The following SBF2 variants were observed in gnomAD, a reference collection of about 807,000 sequenced individuals.
SBF2 encodes SET binding factor 2.
SBF2 carries 112 observed loss-of-function variants against 225.2 expected under a neutral mutation model. The observed-to-expected ratio is 0.50, with a 90% CI of 0.43 to 0.58. The LOEUF (loss-of-function observed/expected upper bound fraction) is 0.58. Ranked by LOEUF, SBF2 falls within the 20% of genes least tolerant of loss-of-function variation. The pLI, the probability that SBF2 is intolerant of heterozygous loss-of-function variation, is 0.00. For missense variants in SBF2, 1,996 were observed against 2,206.2 expected (o/e 0.90, Z 1.91); for synonymous variants, 763 against 773.3 (o/e 0.99, Z 0.22).
At chr11:10,000,879 C>T in intron 8 of SBF2, 35 bp downstream of exon 8, 2 of 1,094,010 alleles carry the variant, frequency 1.8e-6, no homozygotes, top group Non-Finnish European at 2.8e-6. Flanking sequence ...AACTTCTGGA[C>T]TCAATAACTG....
At chr11:10,239,545 T>A (rs543845146) in intron 1 of SBF2, among the ~76,000 whole-genome samples, 1 of 127,716 alleles carries the variant, frequency 7.8e-6, no homozygotes, top group African/African-American at 2.6e-5. Context: ...GGAGAAAAAA[T>A]TGGATGTGTC....
chr11:9,805,623 A>T (rs557576261), intron 32 of SBF2, among the ~76,000 whole-genome samples: 1 of 147,134 alleles, frequency 6.8e-6, no homozygotes, highest in East Asian at 2.0e-4. Flanking sequence ...GATATTCTAG[A>T]TTTTTTTTTT....
chr11:10,053,665 G>A (rs1038691387), intron 2 of SBF2, among the ~76,000 whole-genome samples: 2 of 152,000 alleles, frequency 1.3e-5, no homozygotes, highest in Non-Finnish European at 2.9e-5. Flanking sequence ...TGAGGCCAGA[G>A]GACCACTTGA....
chr11:10,115,218 T>C (rs1323864226), intron 2 of SBF2, among the ~76,000 whole-genome samples: 1 of 152,242 alleles, frequency 6.6e-6, no homozygotes, highest in Non-Finnish European at 1.5e-5. Flanking sequence ...ATACCAGATA[T>C]GTATACTACT....
chr11:10,221,536 T>G (rs573580449), intron 1 of SBF2, among the ~76,000 whole-genome samples: 1 of 152,270 alleles, frequency 6.6e-6, no homozygotes, highest in East Asian at 1.9e-4. Flanking sequence ...AAAGCTAGTA[T>G]CTACATTAGG....
chr11:10,066,634 A>T (rs1950633424), intron 2 of SBF2, among the ~76,000 whole-genome samples: 1 of 152,234 alleles, frequency 6.6e-6, no homozygotes, highest in Non-Finnish European at 1.5e-5. Flanking sequence ...CCTAATAAAG[A>T]GCATTGATGT....
chr11:10,075,907 T>C (rs1249293118), intron 2 of SBF2, among the ~76,000 whole-genome samples: 2 of 152,090 alleles, frequency 1.3e-5, no homozygotes, highest in Non-Finnish European at 2.9e-5. Context: ...TAGTTTTTTT[T>C]TTTTTCTGCG....
At chr11:10,240,456 G>A (rs955369309) in intron 1 of SBF2, among the ~76,000 whole-genome samples, 2 of 152,038 alleles carry the variant, frequency 1.3e-5, no homozygotes, top group African/African-American at 2.4e-5. Flanking sequence ...GCTGAAATAC[G>A]AATCATCATG....
In SBF2 at chr11:9,941,588, T is replaced by C. The variant is rs574183076; in HGVS notation, c.1860+20369A>G. Among the ~76,000 whole-genome samples the C allele has an allele frequency of 2.0e-5, 3 of 152,306 alleles. No homozygotes were observed. The East Asian group carries it at 5.8e-4, about 29-fold the overall frequency. ...GCACATTAAGAATGAGATAGAGCTG[T>C]ACAAAAAGCATTTCATAAAACTGAC... On this transcript the variant is annotated intron_variant, in intron 16 of 39. Transcript: ENST00000256190.
At chr11:10,072,389 C>G (rs751392461) in intron 2 of SBF2, among the ~76,000 whole-genome samples, 1 of 152,124 alleles carries the variant, frequency 6.6e-6, no homozygotes, top group Non-Finnish European at 1.5e-5. Context: ...GCCCAACAAC[C>G]TACTCACTTC....
chr11:9,910,849 C>T (rs1352791167), intron 16 of SBF2, among the ~76,000 whole-genome samples: 1 of 142,712 alleles, frequency 7.0e-6, no homozygotes, highest in Non-Finnish European at 1.5e-5. Flanking sequence ...GAGATTGAGA[C>T]CATTTGGCCA....
rs145854049 is a variant in SBF2, at chr11:10,010,179, G to A, written c.620-7490C>T. ...ATGGATAGATTGGAAATATTTTCTC[G>A]CATTCTGTAGGTTGCCTGTCACTCT... is the stretch of plus-strand genomic sequence containing the variant. On this transcript the variant is annotated intron_variant, in intron 6 of 39. Transcript: ENST00000256190. 4.1e-3 allele frequency among the ~76,000 whole-genome samples: 622 copies of A among 152,094 alleles called. 5 individuals carry two copies. Among genetic ancestry groups the A allele is most frequent in the African/African-American group, 0.014 (581 of 41,496 alleles).
intron 25 of SBF2, among the ~76,000 whole-genome samples, chr11:9,841,320 TA>T (rs1469814719): frequency 6.6e-6 from 1 of 152,026 alleles, no homozygotes; most frequent in Non-Finnish European, 1.5e-5. Flanking sequence ...CCATGAAATA[TA>T]AAAAAAATTG....
At chr11:10,274,008 G>A (rs968532963) in intron 1 of SBF2, among the ~76,000 whole-genome samples, 2 of 152,334 alleles carry the variant, frequency 1.3e-5, no homozygotes, top group South Asian at 2.1e-4. Flanking sequence ...CCAGACTACT[G>A]ACTTAAAAGT....
At chr11:10,088,852 A>C (rs1951675552) in intron 2 of SBF2, among the ~76,000 whole-genome samples, 1 of 152,260 alleles carries the variant, frequency 6.6e-6, no homozygotes, top group African/African-American at 2.4e-5. Flanking sequence ...AACACCAAAA[A>C]GTAAACTTCC....
At chr11:10,242,625 G>A (rs946206561) in intron 1 of SBF2, among the ~76,000 whole-genome samples, 1 of 151,928 alleles carries the variant, frequency 6.6e-6, no homozygotes, top group Non-Finnish European at 1.5e-5. Flanking sequence ...ACACACACAA[G>A]CTGAAACAGA....
intron 17 of SBF2, among the ~76,000 whole-genome samples, chr11:9,885,813 A>G (rs1384166773): frequency 2.0e-5 from 3 of 152,182 alleles, no homozygotes; most frequent in Non-Finnish European, 2.9e-5. Context: ...TCCTCCTGCA[A>G]TAGGGTCCAG....
chr11:10,210,462 C>T (rs181273427), intron 1 of SBF2, among the ~76,000 whole-genome samples: 2 of 151,100 alleles, frequency 1.3e-5, no homozygotes, highest in East Asian at 3.9e-4. Flanking sequence ...CTTGCCAAAG[C>T]CTTGTCACAT....
chr11:9,903,506 C>T (rs1389800990), intron 16 of SBF2, among the ~76,000 whole-genome samples: 2 of 152,068 alleles, frequency 1.3e-5, no homozygotes, highest in African/African-American at 4.8e-5. Flanking sequence ...TTCTTGCCTC[C>T]TCAGAAGAAA....
Sources: allele counts gnomAD v4.1 joint callset (sites outside exome capture counted in the v4.1 genomes callset), GRCh38; gene constraint gnomAD v4.1.1; transcripts MANE v1.5; gene names NCBI Gene and HGNC (gene_info 2026-07-23, HGNC 2026-07-21).